TENM4: variants seen among roughly 807,000 people sequenced by gnomAD.
The protein encoded by TENM4 is teneurin transmembrane protein 4, also known as teneurin-4.
TENM4 carries 82 observed loss-of-function variants against 243.3 expected under a neutral mutation model. The ratio of observed to expected loss-of-function variants is 0.34; its 90% confidence interval spans 0.28 to 0.40. TENM4 has a LOEUF of 0.40. Among genes scored for constraint, TENM4 ranks in the 10% least tolerant of loss-of-function variants. The pLI is 1.00. For synonymous variants in TENM4, 1,412 were observed against 1,456.3 expected, an observed-to-expected ratio of 0.97 and a Z score of 0.69; for missense variants, 3,138 against 3,673.3, an observed-to-expected ratio of 0.85 and a Z score of 3.77.
At chr11:79,153,379 A>G (rs924257548) in intron 3 of TENM4, among the ~76,000 whole-genome samples, 1 of 152,198 alleles carries the variant, frequency 6.6e-6, no homozygotes, top group Non-Finnish European at 1.5e-5. Flanking sequence ...AGAACATTGC[A>G]GCAAGGGCCA....
At chr11:79,206,952 T>C (rs553184354) in intron 3 of TENM4, among the ~76,000 whole-genome samples, 3 of 152,282 alleles carry the variant, frequency 2.0e-5, no homozygotes, top group Non-Finnish European at 4.4e-5. Flanking sequence ...AAATTCATGA[T>C]ATAAACATTT....
intron 30 of TENM4, among the ~76,000 whole-genome samples, chr11:78,673,825 G>A (rs373231671): frequency 2.6e-5 from 4 of 152,180 alleles, no homozygotes; most frequent in Non-Finnish European, 4.4e-5. Flanking sequence ...TGAAAATAAC[G>A]ATTTATAATG....
At chr11:78,661,249 G>A (rs1297940893) in intron 33 of TENM4, among the ~76,000 whole-genome samples, 200 bp downstream of exon 33, 1 of 152,206 alleles carries the variant, frequency 6.6e-6, no homozygotes, top group Admixed American at 6.5e-5. Context: ...GCTTGTAAGC[G>A]TCTGTGTGTG....
chr11:79,330,072 C>T (rs1427972240), intron 1 of TENM4, among the ~76,000 whole-genome samples: 1 of 152,188 alleles, frequency 6.6e-6, no homozygotes, highest in Non-Finnish European at 1.5e-5. Flanking sequence ...ATGACTGGCT[C>T]TCTAGGGGAA....
rs1855975189 is a variant in TENM4 at position 78,903,251 on chromosome 11, C to T, written c.749+17G>A. ...TGCCCACCCTCCTCAGCCTCACCCT[C>T]CCTACCGGCCGCGCACCTGGTCTCC... On this transcript the variant is annotated intron_variant, in intron 7 of 33. Coordinates refer to ENST00000278550, the MANE Select transcript of TENM4 (RefSeq NM_001098816.3). 1.3e-6 allele frequency: 2 copies of T among 1,487,732 alleles called. No individual in the cohort carries two copies. The highest frequency in any genetic ancestry group is 2.9e-5 in the Admixed American group (1 of 34,668). 92.2% of individuals were successfully genotyped at this position (1,487,732 alleles called of 1,614,324 possible). A position where few individuals can be genotyped will look rare whatever the true frequency, so the allele number is the denominator to read the frequency against.
chr11:78,743,853 G>A (rs1855986161), intron 19 of TENM4, among the ~76,000 whole-genome samples: 1 of 152,196 alleles, frequency 6.6e-6, no homozygotes, highest in African/African-American at 2.4e-5. Flanking sequence ...GTTATTAAGT[G>A]AAAGCAGCTA....
At chr11:78,673,061 TC>T (rs1469257160) in intron 30 of TENM4, among the ~76,000 whole-genome samples, 10 of 150,454 alleles carry the variant, frequency 6.6e-5, no homozygotes, top group African/African-American at 2.5e-4. Flanking sequence ...GGGGACACAG[TC>T]CTGGCTTTGA....
chr11:78,766,468 C>T (rs540510997), intron 18 of TENM4, among the ~76,000 whole-genome samples: 13 of 152,134 alleles, frequency 8.5e-5, no homozygotes, highest in Admixed American at 2.0e-4. Context: ...CCTTCTTTGT[C>T]AAGTGGGGCA....
intron 26 of TENM4, among the ~76,000 whole-genome samples, chr11:78,708,971 T>C (rs1383419373): frequency 1.6e-4 from 17 of 105,898 alleles, no homozygotes; most frequent in Admixed American, 5.0e-4. Flanking sequence ...TTTTCTTTCT[T>C]TTTTTTTTTT....
intron 1 of TENM4, among the ~76,000 whole-genome samples, chr11:79,344,464 A>C (rs2135466154): frequency 6.6e-6 from 1 of 152,308 alleles, no homozygotes; most frequent in East Asian, 1.9e-4. Flanking sequence ...ATACCCATGA[A>C]ACTGCCCCAG....
chr11:78,742,571 T>C (rs1017879497), intron 19 of TENM4, among the ~76,000 whole-genome samples: 4 of 152,302 alleles, frequency 2.6e-5, no homozygotes, highest in East Asian at 3.9e-4. Context: ...GTTTGGCATA[T>C]GTCAGGCAGC....
chr11:78,925,408 G>A (rs1221625758), intron 6 of TENM4, among the ~76,000 whole-genome samples: 5 of 152,116 alleles, frequency 3.3e-5, no homozygotes, highest in African/African-American at 7.2e-5. Flanking sequence ...AATTCCAAGC[G>A]AATCAGGAAA....
rs55787775 is a variant in TENM4 at position 79,152,131 on chromosome 11, C to T, written c.-162-3325G>A. Among the ~76,000 whole-genome samples the T allele has an allele frequency of 9.1e-3, 1,383 of 152,234 alleles. 16 individuals carry two copies. Among genetic ancestry groups the T allele is most frequent in the South Asian group, 0.033 (159 of 4,824 alleles). On this transcript the variant is annotated intron_variant, in intron 3 of 33. Coordinates refer to ENST00000278550, the MANE Select transcript of TENM4 (RefSeq NM_001098816.3). ...TCAAAATTGAGGACTAGAAAAGAAACGCAATGTGTCCATTGAGCCTGAGGT... is the reference window on the plus strand; with the variant it reads ...TCAAAATTGAGGACTAGAAAAGAAATGCAATGTGTCCATTGAGCCTGAGGT...
chr11:79,313,177 T>G (rs1170545833), intron 1 of TENM4, among the ~76,000 whole-genome samples: 1 of 152,178 alleles, frequency 6.6e-6, no homozygotes. Flanking sequence ...TTTCCTCAGA[T>G]TACAAAATGG....
intron 2 of TENM4, among the ~76,000 whole-genome samples, chr11:79,222,473 G>A (rs1215639361): frequency 1.3e-5 from 2 of 152,116 alleles, no homozygotes; most frequent in Non-Finnish European, 2.9e-5. Flanking sequence ...ACATATGTGT[G>A]CATGTATCTT....
At position 78,712,500 on chromosome 11, in the gene TENM4, T is replaced by C. The variant is rs567659476; in HGVS notation, c.4036A>G (p.Thr1346Ala). The C allele has an allele frequency of 2.9e-5, 46 of 1,614,018 alleles. No individual in the cohort carries two copies. The South Asian group carries it at 4.8e-4, about 17-fold the overall frequency. Reference protein sequence around the residue: ...CGDGGKATEATLTNPRGITVD... With the variant: ...CGDGGKATEAALTNPRGITVD... Reference sequence around the variant, plus strand: ...GCCTTACCCCTGGGATTGGTGAGTGTGGCTTCTGTGGCCTTCCCACCATCC... The same window carrying C: ...GCCTTACCCCTGGGATTGGTGAGTGCGGCTTCTGTGGCCTTCCCACCATCC... Residue 1346 changes from threonine (T) to alanine (A), a missense_variant, in exon 26 of 34, where the codon ACA becomes GCA. Thr to Ala is a moderately conservative substitution (Grantham distance 58). This residue lies in a region of TENM4 where 2,467 missense variants were observed against 3,059.1 expected (regional missense o/e 0.81). Transcript: ENST00000278550.
At chr11:78,935,784 T>A (rs1353662054) in intron 6 of TENM4, among the ~76,000 whole-genome samples, 2 of 152,208 alleles carry the variant, frequency 1.3e-5, no homozygotes, top group Non-Finnish European at 2.9e-5. Context: ...CAAAGAAATA[T>A]GTACTCTATT....
chr11:79,011,480 C>G (rs559402355), intron 6 of TENM4, among the ~76,000 whole-genome samples: 1 of 152,304 alleles, frequency 6.6e-6, no homozygotes, highest in East Asian at 1.9e-4. Context: ...CGAGTATTGC[C>G]TTGCTTCTGT....
intron 22 of TENM4, among the ~76,000 whole-genome samples, chr11:78,727,996 C>T (rs1463566148): frequency 6.6e-6 from 1 of 152,192 alleles, no homozygotes; most frequent in Non-Finnish European, 1.5e-5. Flanking sequence ...CCTTGAGTTC[C>T]TTAAGCAGCC....
Sources: allele counts gnomAD v4.1 joint callset (sites outside exome capture counted in the v4.1 genomes callset), GRCh38; gene constraint gnomAD v4.1.1; regional missense constraint gnomAD v4.1.1; transcripts MANE v1.5; gene names NCBI Gene and HGNC (gene_info 2026-07-23, HGNC 2026-07-21).